SEC14L1: variants seen among roughly 807,000 people sequenced by gnomAD.
SEC14L1 encodes SEC14 like lipid binding 1.
SEC14L1 carries 48 observed loss-of-function variants against 85.3 expected under a neutral mutation model. The observed-to-expected ratio is 0.56, with a 90% CI of 0.45 to 0.72. The LOEUF (loss-of-function observed/expected upper bound fraction) is 0.72. Ranked by LOEUF, SEC14L1 falls within the 30% of genes least tolerant of loss-of-function variation. SEC14L1 has a pLI of 0.00. For missense variants in SEC14L1, 682 were observed against 921.4 expected, an observed-to-expected ratio of 0.74 and a Z score of 3.36; for synonymous variants, 391 against 355.5, an observed-to-expected ratio of 1.10 and a Z score of -1.12.
At chr17:77,212,282 C>T (rs903838786) in intron 15 of SEC14L1, 81 bp downstream of exon 15, 6 of 1,556,112 alleles carry the variant, frequency 3.9e-6, no homozygotes, top group Middle Eastern at 1.7e-4. Flanking sequence ...CTCTTTGCTT[C>T]GCTCCTTGAG....
chr17:77,168,883 A>G (rs185167978), intron 3 of SEC14L1, among the ~76,000 whole-genome samples: 1 of 152,268 alleles, frequency 6.6e-6, no homozygotes, highest in Admixed American at 6.5e-5. Context: ...CCACCAGAAC[A>G]GTGCAGATTT....
intron 3 of SEC14L1, among the ~76,000 whole-genome samples, chr17:77,190,017 C>G (rs117280001): frequency 0.012 from 1,837 of 152,256 alleles, 22 homozygotes; most frequent in South Asian, 0.047. Flanking sequence ...ATTTTGTTGT[C>G]ACATCTAAGA....
chr17:77,108,844 A>G lies in SEC14L1; in HGVS notation c.-136+15497A>G, dbSNP rs1316282123. On this transcript the variant is annotated intron_variant, in intron 3 of 19. Transcript: ENST00000392476. The stretch of plus-strand genomic sequence containing the variant: ...ATCTGTTTCTTTTTTTTTTTTTGAG[A>G]CAGAGTTTGGTTCTGTCACCCAGGC... 2.0e-5 allele frequency among the ~76,000 whole-genome samples: 3 copies of G among 147,396 alleles called. No individual in the cohort carries two copies. The East Asian group carries it at 5.9e-4, about 29-fold the overall frequency.
intron 4 of SEC14L1, 63 bp from the exon 5 acceptor site, chr17:77,191,118 C>A: frequency 6.4e-7 from 1 of 1,563,532 alleles, no homozygotes; most frequent in Non-Finnish European, 8.8e-7. Flanking sequence ...TGAACTTATA[C>A]TATAGCTTCT....
intron 3 of SEC14L1, among the ~76,000 whole-genome samples, chr17:77,104,790 CAA>C (rs34654587): frequency 1.0e-3 from 120 of 115,762 alleles, no homozygotes; most frequent in Non-Finnish European, 1.1e-3. Context: ...GACTCCATTT[CAA>C]AAAAAAAAAA....
At chr17:77,113,408 A>G (rs1642783241) in intron 3 of SEC14L1, among the ~76,000 whole-genome samples, 1 of 152,104 alleles carries the variant, frequency 6.6e-6, no homozygotes, top group African/African-American at 2.4e-5. Context: ...TTTCTGGGAC[A>G]CAGGCTGAAT....
chr17:77,189,692 G>A (rs187563669), intron 3 of SEC14L1, among the ~76,000 whole-genome samples: 128 of 152,216 alleles, frequency 8.4e-4, no homozygotes, highest in African/African-American at 2.8e-3. Context: ...GCAGTGGCGC[G>A]ATCTCGGCTC....
chr17:77,118,241 G>T (rs1019025058), intron 3 of SEC14L1, among the ~76,000 whole-genome samples: 1 of 152,200 alleles, frequency 6.6e-6, no homozygotes, highest in African/African-American at 2.4e-5. Context: ...TTACCTAGGC[G>T]GTCTTTCAAG....
At chr17:77,091,926 C>T (rs1172756588) in intron 2 of SEC14L1, among the ~76,000 whole-genome samples, 1 of 152,296 alleles carries the variant, frequency 6.6e-6, no homozygotes, top group African/African-American at 2.4e-5. Context: ...ATTCTTCTGC[C>T]TCAGCCTCCC....
intron 3 of SEC14L1, among the ~76,000 whole-genome samples, chr17:77,131,279 CT>C (rs985329260): frequency 3.9e-5 from 6 of 152,006 alleles, no homozygotes; most frequent in African/African-American, 9.7e-5. Flanking sequence ...GTGGATCTCT[CT>C]TTTTTTGAGA....
chr17:77,183,703 C>T (rs924532316), intron 3 of SEC14L1, among the ~76,000 whole-genome samples: 4 of 152,198 alleles, frequency 2.6e-5, no homozygotes, highest in Admixed American at 2.6e-4. Context: ...GGTTGTTCCC[C>T]AGATGTTTCG....
chr17:77,175,906 A>G (rs987488616), intron 3 of SEC14L1, among the ~76,000 whole-genome samples: 2 of 152,098 alleles, frequency 1.3e-5, no homozygotes, highest in African/African-American at 2.4e-5. Context: ...TTATGGGCTC[A>G]GAATAGGGAG....
intron 3 of SEC14L1, among the ~76,000 whole-genome samples, chr17:77,154,689 A>C (rs752948886): frequency 6.6e-6 from 1 of 151,594 alleles, no homozygotes. Context: ...TTATGTATCA[A>C]TATATGAAAT....
At chr17:77,208,249 G>A (rs1238827518) in intron 13 of SEC14L1, among the ~76,000 whole-genome samples, 5 of 152,160 alleles carry the variant, frequency 3.3e-5, no homozygotes, top group Non-Finnish European at 7.4e-5. Flanking sequence ...AATGCAAAGA[G>A]CAAGTAAGTT....
At chr17:77,209,586 G>C in intron 14 of SEC14L1, 110 bp downstream of exon 14, 1 of 1,187,972 alleles carries the variant, frequency 8.4e-7, no homozygotes. Context: ...TCGTTTTTCT[G>C]CTCTTTGTCT....
At chr17:77,097,555 T>G (rs1971675266) in intron 3 of SEC14L1, among the ~76,000 whole-genome samples, 1 of 137,776 alleles carries the variant, frequency 7.3e-6, no homozygotes, top group Non-Finnish European at 1.5e-5. Context: ...AGAGCAAGAC[T>G]CCATCTCAAG....
intron 3 of SEC14L1, among the ~76,000 whole-genome samples, chr17:77,166,925 T>C (rs969998721): frequency 6.6e-6 from 1 of 152,174 alleles, no homozygotes; most frequent in Non-Finnish European, 1.5e-5. Context: ...TTAGGGTGCA[T>C]GCGTACTAGG....
At chr17:77,142,847 C>G (rs1973121892) in intron 2 of SEC14L1, 97 bp downstream of exon 2, 1 of 152,188 alleles carries the variant, frequency 6.6e-6, no homozygotes. Flanking sequence ...TAGGCTGGCG[C>G]TAGAGAATGA....
At chr17:77,123,301 G>A (rs978056734) in intron 3 of SEC14L1, among the ~76,000 whole-genome samples, 2 of 151,496 alleles carry the variant, frequency 1.3e-5, no homozygotes, top group East Asian at 1.9e-4. Context: ...CACCTGCCTC[G>A]GCCTCCCAAA....
Sources: allele counts gnomAD v4.1 joint callset (sites outside exome capture counted in the v4.1 genomes callset), GRCh38; gene constraint gnomAD v4.1.1; transcripts MANE v1.5; gene names NCBI Gene and HGNC (gene_info 2026-07-23, HGNC 2026-07-21).